LCOR: variants seen among roughly 807,000 people sequenced by gnomAD.
LCOR encodes ligand dependent nuclear receptor corepressor, also known as ligand-dependent corepressor.
Under a neutral mutation model 64.4 loss-of-function variants are expected in LCOR, and 14 were observed. The observed-to-expected ratio is 0.22, with a 90% CI of 0.14 to 0.34. The LOEUF (loss-of-function observed/expected upper bound fraction) is 0.34. Among genes scored for constraint, LCOR ranks in the 10% least tolerant of loss-of-function variants. LCOR has a pLI of 1.00. For synonymous variants in LCOR, 643 were observed against 642.5 expected (o/e 1.00, Z -0.01); for missense variants, 1,686 against 1,765.3 (o/e 0.96, Z 0.80).
At chr10:96,892,752 A>G (rs1846467904) in intron 2 of LCOR, among the ~76,000 whole-genome samples, 1 of 151,984 alleles carries the variant, frequency 6.6e-6, no homozygotes, top group Non-Finnish European at 1.5e-5. Flanking sequence ...TAGCCACTCC[A>G]TTTCTTTTTT....
chr10:96,871,875 C>T (rs1846077993), intron 2 of LCOR, among the ~76,000 whole-genome samples: 1 of 152,150 alleles, frequency 6.6e-6, no homozygotes, highest in South Asian at 2.1e-4. Flanking sequence ...TACAAAACAA[C>T]AACAGTAAAC....
At chr10:96,868,710 T>A (rs936318569) in intron 2 of LCOR, among the ~76,000 whole-genome samples, 15 of 152,218 alleles carry the variant, frequency 9.9e-5, no homozygotes, top group Non-Finnish European at 2.1e-4. Flanking sequence ...ATTATACTAT[T>A]CTTTCATAGC....
chr10:96,846,004 T>G (rs933380130), intron 2 of LCOR, among the ~76,000 whole-genome samples: 2 of 151,898 alleles, frequency 1.3e-5, no homozygotes, highest in South Asian at 2.1e-4. Flanking sequence ...GTCAGGAGTT[T>G]GAGACCAGCC....
At chr10:96,866,361 G>A (rs1417148351) in intron 2 of LCOR, among the ~76,000 whole-genome samples, 2 of 152,084 alleles carry the variant, frequency 1.3e-5, no homozygotes, top group African/African-American at 4.8e-5. Context: ...TTTCTGGATA[G>A]TATTTCCTTG....
chr10:96,844,215 A>G (rs1284396282), intron 2 of LCOR, among the ~76,000 whole-genome samples: 1 of 147,138 alleles, frequency 6.8e-6, no homozygotes, highest in Non-Finnish European at 1.5e-5. Flanking sequence ...CAGTGGCATG[A>G]TCCTAACTCA....
At chr10:96,833,639 A>G (rs994879367) in intron 2 of LCOR, among the ~76,000 whole-genome samples, 160 bp downstream of exon 2, 1 of 151,882 alleles carries the variant, frequency 6.6e-6, no homozygotes, top group Non-Finnish European at 1.5e-5. Context: ...GCTGTCCCCC[A>G]CGCCCAGTCC....
At chr10:96,970,104 A>T (rs1180826468) in intron 7 of LCOR, among the ~76,000 whole-genome samples, 1 of 150,860 alleles carries the variant, frequency 6.6e-6, no homozygotes, top group Non-Finnish European at 1.5e-5. Context: ...AACAACTATT[A>T]AATTGACTTG....
At chr10:96,879,082 C>A (rs1846217442) in intron 2 of LCOR, among the ~76,000 whole-genome samples, 1 of 152,202 alleles carries the variant, frequency 6.6e-6, no homozygotes, top group African/African-American at 2.4e-5. Flanking sequence ...AGTCTTGAGC[C>A]ACCACGCCTG....
chr10:96,985,073 G>A lies in LCOR; in HGVS notation c.4613G>A (p.Arg1538Gln), dbSNP rs377339256. ...TPESSAAQRK[R>Q]KLKAKLDCSH... ...GAGAGCAGTGCAGCTCAGAGAAAGC[G>A]AAAGCTGAAGGCAAAGCTGGACTGT... The change falls in exon 8 of 8, where the codon CGA becomes CAA. Residue 1538 changes from arginine (R) to glutamine (Q), a missense_variant. Arg to Gln is a conservative substitution (Grantham distance 43). Coordinates refer to ENST00000421806, the MANE Select transcript of LCOR (RefSeq NM_001346516.2). 4.3e-6 allele frequency: 7 copies of A among 1,613,674 alleles called. No individual in the cohort carries two copies. The highest frequency in any genetic ancestry group is 4.5e-5 in the East Asian group (2 of 44,890).
intron 2 of LCOR, among the ~76,000 whole-genome samples, chr10:96,893,372 T>A: frequency 6.6e-6 from 1 of 152,212 alleles, no homozygotes; most frequent in East Asian, 1.9e-4. Context: ...ATAATATCTC[T>A]AATATGCTTT....
chr10:96,855,664 G>A (rs748698636), intron 2 of LCOR, among the ~76,000 whole-genome samples: 3 of 152,040 alleles, frequency 2.0e-5, no homozygotes, highest in Non-Finnish European at 4.4e-5. Context: ...TCCGACTCCT[G>A]AATTTAGGTA....
At chr10:96,907,514 G>C (rs923174931) in intron 3 of LCOR, among the ~76,000 whole-genome samples, 154 bp from the exon 4 acceptor site, 5 of 152,086 alleles carry the variant, frequency 3.3e-5, no homozygotes, top group African/African-American at 4.8e-5. Flanking sequence ...TAACTAGTGA[G>C]CAGTTAAGAC....
intron 2 of LCOR, among the ~76,000 whole-genome samples, chr10:96,868,359 C>T (rs917475971): frequency 6.6e-6 from 1 of 150,752 alleles, no homozygotes; most frequent in Non-Finnish European, 1.5e-5. Context: ...ATTGCAACCT[C>T]CGCCTTCCAG....
At chr10:96,896,266 A>G (rs1484409809) in intron 2 of LCOR, among the ~76,000 whole-genome samples, 1 of 152,120 alleles carries the variant, frequency 6.6e-6, no homozygotes, top group East Asian at 1.9e-4. Flanking sequence ...TATGTCATTG[A>G]CTTTTTTTAT....
At chr10:96,876,419 A>G (rs1846164997) in intron 2 of LCOR, among the ~76,000 whole-genome samples, 1 of 152,256 alleles carries the variant, frequency 6.6e-6, no homozygotes, top group African/African-American at 2.4e-5. Context: ...ATTTGGGGAT[A>G]CATTCAAACT....
intron 2 of LCOR, among the ~76,000 whole-genome samples, chr10:96,855,522 C>A (rs370263203): frequency 2.6e-5 from 4 of 151,950 alleles, no homozygotes; most frequent in Non-Finnish European, 4.4e-5. Context: ...GCAACCTCTG[C>A]CTCCCAGATT....
intron 7 of LCOR, chr10:96,962,018 A>G (rs1847889366): frequency 6.6e-6 from 1 of 152,128 alleles, no homozygotes. Flanking sequence ...CTGTTACAAC[A>G]CTAAAGTCTT....
At chr10:96,890,530 T>A (rs899677027) in intron 2 of LCOR, among the ~76,000 whole-genome samples, 3 of 152,234 alleles carry the variant, frequency 2.0e-5, no homozygotes, top group Admixed American at 2.0e-4. Context: ...ACTTGGTCTT[T>A]CCAATTTGGA....
chr10:96,922,469 C>T (rs1847097571), intron 4 of LCOR, among the ~76,000 whole-genome samples: 1 of 152,128 alleles, frequency 6.6e-6, no homozygotes, highest in South Asian at 2.1e-4. Context: ...TTACTCTCAA[C>T]CAGGCTTTAT....
Sources: gnomAD v4.1 joint callset for allele counts (sites outside exome capture counted in the v4.1 genomes callset) on GRCh38, gnomAD v4.1.1 for gene constraint, MANE v1.5 for transcripts, NCBI Gene and HGNC (gene_info 2026-07-23, HGNC 2026-07-21) for gene names.